RNF17: variants seen among roughly 807,000 people sequenced by gnomAD.
RNF17 encodes the protein ring finger protein 17.
Under a neutral mutation model 200.5 loss-of-function variants are expected in RNF17, and 31 were observed. The ratio of observed to expected loss-of-function variants is 0.15; its 90% CI spans 0.12 to 0.21. The LOEUF is 0.21. RNF17 is among the 10% of genes least tolerant of loss of function. The probability of loss-of-function intolerance (pLI) is 1.00; values close to 1 mark genes in which losing one functional copy is unlikely to be tolerated. For missense variants in RNF17, 1,628 were observed against 1,905.1 expected, an observed-to-expected ratio of 0.85 and a Z score of 2.71; for synonymous variants, 606 against 637.8, an observed-to-expected ratio of 0.95 and a Z score of 0.75.
chr13:24,770,264 C>T (rs1880473510), intron 2 of RNF17, among the ~76,000 whole-genome samples: 2 of 152,220 alleles, frequency 1.3e-5, no homozygotes, highest in Middle Eastern at 3.4e-3. Context: ...AATTTGACCA[C>T]AGTTTTTCAT....
At chr13:24,755,030 T>C in the RNF17 span, among the ~76,000 whole-genome samples, 11 of 152,330 alleles carry the variant, frequency 7.2e-5, no homozygotes, top group African/African-American at 2.4e-4. Flanking sequence ...TTCACTTATA[T>C]ATCACATATA....
chr13:24,814,632 C>G (rs1282894509), intron 15 of RNF17, among the ~76,000 whole-genome samples: 1 of 152,148 alleles, frequency 6.6e-6, no homozygotes, highest in African/African-American at 2.4e-5. Flanking sequence ...ACTGTCTTTT[C>G]CCCCATTGAA....
downstream of RNF17, among the ~76,000 whole-genome samples, chr13:24,883,561 T>A (rs1031299264): frequency 2.6e-5 from 4 of 152,212 alleles, no homozygotes; most frequent in Admixed American, 2.6e-4. Context: ...CAGATTAGCA[T>A]TGTTTTAATC....
chr13:24,842,232 C>A, intron 19 of RNF17, 71 bp downstream of exon 19: 1 of 1,345,592 alleles, frequency 7.4e-7, no homozygotes, highest in Non-Finnish European at 1.0e-6. Flanking sequence ...AGAAGGGAAA[C>A]TGGCATATCA....
intron 5 of RNF17, 55 bp downstream of exon 5, chr13:24,779,802 G>C: frequency 7.6e-7 from 1 of 1,311,358 alleles, no homozygotes; most frequent in Non-Finnish European, 1.1e-6. Context: ...TCCTCTTTAA[G>C]TGTGTACATT....
chr13:24,882,779 T>C (rs11620289), downstream of RNF17: 23,150 of 197,026 alleles, frequency 0.12, 1,769 homozygotes, highest in East Asian at 0.3. Flanking sequence ...CAGAGACACG[T>C]GTTTACTCCT....
In RNF17 at chr13:24,844,966, G is replaced by A. The variant is rs1472127851; in HGVS notation, c.2988G>A (p.Leu996=). 1.9e-6 allele frequency: 3 copies of A among 1,597,008 alleles called. No individual in the cohort carries two copies. The highest frequency in any genetic ancestry group is 1.7e-6 in the Non-Finnish European group (2 of 1,165,436). Residue 996 remains leucine, a synonymous_variant, in exon 22 of 36, where the codon TTG becomes TTA. Coordinates refer to ENST00000255324, the MANE Select transcript of RNF17 (RefSeq NM_031277.3). Reference sequence around the variant, plus strand: ...TAAAGTTATTATTTTCTTAGGTCTTGCTGTATGATGTGGGTGTTGAACTAG... The same window carrying A: ...TAAAGTTATTATTTTCTTAGGTCTTACTGTATGATGTGGGTGTTGAACTAG... ...RMVTDTLVEV[L]LYDVGVELVV...
At position 24,788,072 on chromosome 13, in the gene RNF17, G is replaced by GA; in HGVS notation, c.704dup (p.Asn235LysfsTer2). Reference sequence around the variant, plus strand: ...TAAAGGCTAAAAGCTACATTGAAGAGAAAAAAAATAATTTGAATGCAGCTA... The same window carrying GA: ...TAAAGGCTAAAAGCTACATTGAAGAGAAAAAAAAATAATTTGAATGCAGCTA... On this transcript the variant is annotated frameshift_variant, in exon 7 of 36. Transcript: ENST00000255324. LOFTEE classifies it high-confidence loss of function. 17 of 1,594,478 alleles carry GA rather than the reference G, an allele frequency of 1.1e-5. No homozygotes were observed. The Admixed American group carries it at 1.1e-4, about 10-fold the overall frequency.
intron 1 of RNF17, among the ~76,000 whole-genome samples, chr13:24,766,033 G>C (rs553497231): frequency 7.2e-5 from 11 of 152,296 alleles, no homozygotes; most frequent in Middle Eastern, 3.4e-3. Context: ...ATCAAGACCA[G>C]CCTAGGCAAC....
In RNF17 at chr13:24,843,773, A is replaced by G. The variant is rs376398497; in HGVS notation, c.2633A>G (p.His878Arg). 13 of 1,601,948 alleles carry G rather than the reference A, an allele frequency of 8.1e-6. No individual in the cohort carries two copies. Among genetic ancestry groups the G allele is most frequent in the East Asian group, 2.2e-5 (1 of 44,680 alleles). ...GYILKDNSQKHIEVWDPSPEE... is the reference protein window; with the variant it reads ...GYILKDNSQKRIEVWDPSPEE... Reference sequence around the variant, plus strand: ...ATCCTCAAAGATAATTCTCAAAAGCATATTGAAGTTTGGGATCCTTCTCCA... The same window carrying G: ...ATCCTCAAAGATAATTCTCAAAAGCGTATTGAAGTTTGGGATCCTTCTCCA... Residue 878 changes from histidine (H) to arginine (R), a missense_variant, in exon 20 of 36, where the codon CAT becomes CGT. By Grantham distance (29) the His-to-Arg change is conservative (BLOSUM62 0). Around this residue, in one of 5 missense-constraint regions of RNF17, gnomAD observed 227 missense variants for 319.8 expected, o/e 0.71. Coordinates refer to ENST00000255324, the MANE Select transcript of RNF17 (RefSeq NM_031277.3).
intron 13 of RNF17, among the ~76,000 whole-genome samples, chr13:24,802,038 G>A (rs1440329541): frequency 2.0e-5 from 3 of 152,050 alleles, no homozygotes; most frequent in Admixed American, 2.0e-4. Context: ...CCAGGCTGGA[G>A]TGCAGTGGCA....
intron 15 of RNF17, among the ~76,000 whole-genome samples, chr13:24,822,668 G>A (rs1011614257): frequency 2.0e-5 from 3 of 152,048 alleles, no homozygotes; most frequent in South Asian, 2.1e-4. Flanking sequence ...TGATCCACCC[G>A]CTTGGCCTCC....
intron 2 of RNF17, among the ~76,000 whole-genome samples, chr13:24,769,338 T>C (rs886150710): frequency 6.6e-6 from 1 of 152,202 alleles, no homozygotes; most frequent in African/African-American, 2.4e-5. Context: ...GATAAATCTA[T>C]TTTGTATCAT....
intron 3 of RNF17, among the ~76,000 whole-genome samples, chr13:24,775,158 A>G (rs543447859): frequency 6.6e-6 from 1 of 152,342 alleles, no homozygotes; most frequent in East Asian, 1.9e-4. Flanking sequence ...GGCTGAGAGT[A>G]CACTGGCTAA....
intron 25 of RNF17, among the ~76,000 whole-genome samples, chr13:24,857,806 G>C (rs1315340088): frequency 6.6e-6 from 1 of 152,184 alleles, no homozygotes; most frequent in East Asian, 1.9e-4. Flanking sequence ...ACTGAGGCAG[G>C]AGGATTGCTT....
Position 24,854,086 on chromosome 13 carries a change from G to C in RNF17, c.3552G>C (p.Glu1184Asp). ...PPAIPNMNVF[E>D]ATVSCVGDDG... ...CTATTCCTAACATGAACGTATTTGA[G>C]GCAACAGTCAGCTGTGTTGGTGATG... Residue 1184 changes from glutamate to aspartate, a missense_variant, in exon 25 of 36, where the codon GAG becomes GAC. Physicochemically the swap from Glu to Asp is conservative, Grantham distance 45. Coordinates refer to ENST00000255324, the MANE Select transcript of RNF17 (RefSeq NM_031277.3). The C allele has an allele frequency of 3.7e-6, 6 of 1,613,968 alleles. No individual in the cohort carries two copies. The highest frequency in any genetic ancestry group is 5.1e-6 in the Non-Finnish European group (6 of 1,179,884).
intron 4 of RNF17, among the ~76,000 whole-genome samples, 188 bp downstream of exon 4, chr13:24,778,594 G>C (rs1457960437): frequency 6.6e-6 from 1 of 152,182 alleles, no homozygotes; most frequent in Admixed American, 6.5e-5. Context: ...AAGGCAGCCT[G>C]TTCTACCTTT....
the RNF17 span, among the ~76,000 whole-genome samples, chr13:24,888,342 G>A: frequency 6.6e-6 from 1 of 151,894 alleles, no homozygotes; most frequent in Non-Finnish European, 1.5e-5. Flanking sequence ...ATTACTATGC[G>A]GAATATTTTA....
upstream of RNF17, among the ~76,000 whole-genome samples, chr13:24,763,517 C>G (rs1166549378): frequency 3.3e-5 from 5 of 151,998 alleles, no homozygotes; most frequent in Non-Finnish European, 5.9e-5. Flanking sequence ...GCGCCGGGCC[C>G]AGAAGGCTAA....
Sources: gnomAD v4.1 joint callset for allele counts (sites outside exome capture counted in the v4.1 genomes callset) on GRCh38, gnomAD v4.1.1 for gene constraint, gnomAD v4.1.1 regional missense constraint, MANE v1.5 for transcripts, NCBI Gene and HGNC (gene_info 2026-07-23, HGNC 2026-07-21) for gene names.